NPAS3: variants seen among roughly 807,000 people sequenced by gnomAD.
NPAS3 encodes the protein neuronal PAS domain-containing protein 3.
In NPAS3, 14 loss-of-function variants were observed where a neutral mutation model predicts 73.1. The ratio of observed to expected loss-of-function variants is 0.19; its 90% CI spans 0.13 to 0.30. NPAS3 has a LOEUF of 0.30. Among genes scored for constraint, NPAS3 ranks in the 10% least tolerant of loss-of-function variants. The pLI, the probability that NPAS3 is intolerant of heterozygous loss-of-function variation, is 1.00. For missense variants in NPAS3, 1,096 were observed against 1,250.0 expected (o/e 0.88, Z 1.86); for synonymous variants, 620 against 541.5 (o/e 1.14, Z -2.01).
chr14:33,081,725 T>C (rs941956592), intron 2 of NPAS3, among the ~76,000 whole-genome samples: 28 of 152,212 alleles, frequency 1.8e-4, no homozygotes, highest in African/African-American at 6.8e-4. Flanking sequence ...CTCTCCTCTT[T>C]ATTCCCCAGA....
chr14:33,261,298 A>AT (rs1016561025), intron 3 of NPAS3, among the ~76,000 whole-genome samples: 3 of 55,254 alleles, frequency 5.4e-5, no homozygotes, highest in South Asian at 5.9e-4. Flanking sequence ...TTAAGCTTTT[A>AT]TTTAAAAAAA....
chr14:32,972,060 T>G (rs1453963304), intron 1 of NPAS3, among the ~76,000 whole-genome samples: 2 of 149,252 alleles, frequency 1.3e-5, no homozygotes, highest in African/African-American at 2.5e-5. Context: ...TGCCTCAGCC[T>G]CCCGAGTAGC....
chr14:32,961,608 A>G (rs1248751557), intron 1 of NPAS3, among the ~76,000 whole-genome samples: 1 of 151,864 alleles, frequency 6.6e-6, no homozygotes, highest in East Asian at 1.9e-4. Flanking sequence ...ACCTTCCATC[A>G]TCATCATGAT....
intron 9 of NPAS3, among the ~76,000 whole-genome samples, chr14:33,788,648 C>T (rs1405018681): frequency 2.0e-5 from 3 of 152,100 alleles, no homozygotes; most frequent in Non-Finnish European, 4.4e-5. Context: ...CTCTTTTTTT[C>T]TCCATATTTC....
At chr14:33,575,236 C>T (rs552686576) in intron 5 of NPAS3, among the ~76,000 whole-genome samples, 30 of 152,242 alleles carry the variant, frequency 2.0e-4, no homozygotes, top group African/African-American at 7.0e-4. Flanking sequence ...CATTAGCTTT[C>T]GACTATTAAC....
At chr14:33,194,524 AAGG>A (rs1181377522) in intron 2 of NPAS3, among the ~76,000 whole-genome samples, 1 of 152,198 alleles carries the variant, frequency 6.6e-6, no homozygotes, top group Non-Finnish European at 1.5e-5. Flanking sequence ...TTTCAGTTGA[AAGG>A]AGATTTCACT....
At chr14:32,959,262 G>T (rs1386968904) in intron 1 of NPAS3, among the ~76,000 whole-genome samples, 1 of 151,986 alleles carries the variant, frequency 6.6e-6, no homozygotes, top group Admixed American at 6.6e-5. Context: ...TGCTTCTTTT[G>T]CCCCAGAAAC....
chr14:33,544,647 A>C (rs956853505), intron 4 of NPAS3, among the ~76,000 whole-genome samples: 15 of 150,908 alleles, frequency 9.9e-5, no homozygotes, highest in Non-Finnish European at 1.9e-4. Context: ...CCCTACAGGC[A>C]CCTTGACTGT....
At chr14:33,267,558 C>T (rs761218897) in intron 3 of NPAS3, among the ~76,000 whole-genome samples, 11 of 152,044 alleles carry the variant, frequency 7.2e-5, no homozygotes, top group Non-Finnish European at 1.3e-4. Flanking sequence ...AAGCTTTTTT[C>T]CCCTATATGC....
At chr14:33,220,271 T>C (rs541857274) in intron 3 of NPAS3, among the ~76,000 whole-genome samples, 5 of 152,318 alleles carry the variant, frequency 3.3e-5, no homozygotes, top group African/African-American at 1.2e-4. Context: ...ACTTCTGTTT[T>C]GTCCCAATCC....
At chr14:33,306,043 A>G (rs2042741141) in intron 3 of NPAS3, among the ~76,000 whole-genome samples, 1 of 152,186 alleles carries the variant, frequency 6.6e-6, no homozygotes, top group Non-Finnish European at 1.5e-5. Flanking sequence ...ATTTAAACAC[A>G]ATTACTGTAT....
chr14:33,565,897 A>G (rs28457090), intron 5 of NPAS3, among the ~76,000 whole-genome samples: 8 of 150,362 alleles, frequency 5.3e-5, no homozygotes, highest in Non-Finnish European at 1.0e-4. Context: ...TAATTTTTTT[A>G]AAAAAAAGCA....
intron 2 of NPAS3, among the ~76,000 whole-genome samples, chr14:33,167,467 CAAAT>C (rs1395572471): frequency 6.6e-6 from 1 of 152,020 alleles, no homozygotes; most frequent in African/African-American, 2.4e-5. Context: ...GATAAATTAA[CAAAT>C]CAATCTGCTG....
At chr14:33,082,549 G>A (rs947560830) in intron 2 of NPAS3, among the ~76,000 whole-genome samples, 3 of 152,130 alleles carry the variant, frequency 2.0e-5, no homozygotes, top group African/African-American at 7.2e-5. Flanking sequence ...TTTATGTTGT[G>A]ACGTTTAGAA....
intron 5 of NPAS3, among the ~76,000 whole-genome samples, chr14:33,638,263 A>G (rs2058580768): frequency 6.6e-6 from 1 of 152,188 alleles, no homozygotes; most frequent in South Asian, 2.1e-4. Flanking sequence ...GAATTATTTT[A>G]TACTCATAAT....
chr14:33,060,305 A>G (rs961062484), intron 2 of NPAS3, among the ~76,000 whole-genome samples: 1 of 152,210 alleles, frequency 6.6e-6, no homozygotes, highest in Non-Finnish European at 1.5e-5. Flanking sequence ...GGGTGTCTTT[A>G]AAGCCAAGAA....
intron 4 of NPAS3, among the ~76,000 whole-genome samples, chr14:33,538,301 T>TA (rs1035745758): frequency 6.6e-6 from 1 of 152,150 alleles, no homozygotes; most frequent in Admixed American, 6.5e-5. Flanking sequence ...CTAATAATGC[T>TA]AAACCAAAAG....
At chr14:33,082,582 C>A (rs1372398171) in intron 2 of NPAS3, among the ~76,000 whole-genome samples, 1 of 152,100 alleles carries the variant, frequency 6.6e-6, no homozygotes, top group African/African-American at 2.4e-5. Flanking sequence ...TTGTATTTAT[C>A]AAAATTGCAT....
At chr14:33,183,780 TTTTAAGGGAATTTCA>T (rs1323750079) in intron 2 of NPAS3, among the ~76,000 whole-genome samples, 1 of 152,164 alleles carries the variant, frequency 6.6e-6, no homozygotes. Flanking sequence ...GTTGGACGAC[TTTTAAGGGAATTTCA>T]TTGTCTGATC....
Sources: allele counts gnomAD v4.1 joint callset (sites outside exome capture counted in the v4.1 genomes callset), GRCh38; gene constraint gnomAD v4.1.1; transcripts MANE v1.5; gene names NCBI Gene and HGNC (gene_info 2026-07-23, HGNC 2026-07-21).